The following SLC16A2 variants were observed in gnomAD, a reference collection of about 807,000 sequenced individuals.
The protein encoded by SLC16A2 is solute carrier family 16 member 2.
SLC16A2 carries 3 observed loss-of-function variants against 27.2 expected under a neutral mutation model. That is an observed-to-expected ratio of 0.11 (90% confidence interval 0.05 to 0.28). SLC16A2 has a LOEUF of 0.28. SLC16A2 is among the 10% of genes least tolerant of loss of function. The pLI, the probability that SLC16A2 is intolerant of heterozygous loss-of-function variation, is 1.00. For missense variants in SLC16A2, 295 were observed against 458.5 expected (o/e 0.64, Z 3.26); for synonymous variants, 202 against 187.8 (o/e 1.08, Z -0.62).
intron 1 of SLC16A2, among the ~76,000 whole-genome samples, chrX:74,484,766 C>T (rs775352390): frequency 5.3e-4 from 59 of 112,102 alleles, no homozygotes; most frequent in Middle Eastern, 4.6e-3. Context: ...TGTCCCATAG[C>T]GTTGTCAGGG....
rs1555980983 is a variant in SLC16A2, at chrX:74,435,541, A to ATATATATG, written c.430+13481_430+13482insGTATATAT. Among the ~76,000 whole-genome samples, 8 of 79,306 alleles carry ATATATATG rather than the reference A, an allele frequency of 1.0e-4. No homozygotes were observed. In the East Asian group the frequency reaches 4.0e-3, roughly 40 times the overall value. The allele number at this position is 79,306 out of a possible 115,157, so 68.9% of individuals were successfully genotyped here. A position where few individuals can be genotyped will look rare whatever the true frequency, so the allele number is the denominator to read the frequency against. ...TATATATATGCATATATATATGTAT[A>ATATATATG]TATATATATATATTTTTTTTTTTTT... is the stretch of plus-strand genomic sequence containing the variant. On this transcript the variant is annotated intron_variant, in intron 1 of 5. Coordinates refer to ENST00000587091, the MANE Select transcript of SLC16A2 (RefSeq NM_006517.5).
At chrX:74,474,478 GT>G (rs140763449) in intron 1 of SLC16A2, among the ~76,000 whole-genome samples, 25,463 of 98,096 alleles carry the variant, frequency 0.26, 3,018 homozygotes, top group East Asian at 0.86. Flanking sequence ...ATTCCTTAGT[GT>G]TTTTTTTTTT....
chrX:74,430,805 G>T (rs1458101276), intron 1 of SLC16A2, among the ~76,000 whole-genome samples: 1 of 112,453 alleles, frequency 8.9e-6, no homozygotes, highest in Admixed American at 9.4e-5. Flanking sequence ...GCAGTGGCAC[G>T]ATCTTCGCTC....
intron 2 of SLC16A2, 152 bp downstream of exon 2, chrX:74,521,286 T>G: frequency 1.5e-6 from 1 of 680,439 alleles, no homozygotes; most frequent in Non-Finnish European, 2.3e-6. Flanking sequence ...CAGAATCCAG[T>G]GAATTCATCT....
intron 1 of SLC16A2, among the ~76,000 whole-genome samples, chrX:74,501,659 C>T (rs150103278): frequency 2.9e-3 from 320 of 111,188 alleles, no homozygotes; most frequent in Non-Finnish European, 5.4e-3. Context: ...AGCTGCTGGC[C>T]CACCGCATGG....
At chrX:74,476,983 C>G (rs1471327255) in intron 1 of SLC16A2, 1 of 111,930 alleles carries the variant, frequency 8.9e-6, no homozygotes, top group Non-Finnish European at 1.9e-5. Context: ...CAGAATGATG[C>G]TGGCCTCATA....
intron 1 of SLC16A2, among the ~76,000 whole-genome samples, chrX:74,464,025 G>C (rs773329537): frequency 8.9e-6 from 1 of 112,095 alleles, no homozygotes; most frequent in Non-Finnish European, 1.9e-5. Context: ...TTTATATGTG[G>C]AATTATACAG....
chrX:74,439,981 T>C (rs1928712308), intron 1 of SLC16A2, among the ~76,000 whole-genome samples: 1 of 111,585 alleles, frequency 9.0e-6, no homozygotes, highest in Admixed American at 9.5e-5. Flanking sequence ...ATCACTAGAA[T>C]GTAGGCTAGA....
At chrX:74,526,030 C>G (rs1930482915) in intron 4 of SLC16A2, 137 bp downstream of exon 4, 7 of 727,036 alleles carry the variant, frequency 9.6e-6, no homozygotes, top group Non-Finnish European at 1.5e-5. Context: ...CTCCATTTCA[C>G]CTGCTTTTAA....
intron 1 of SLC16A2, among the ~76,000 whole-genome samples, chrX:74,501,743 A>G (rs1256319048): frequency 2.7e-5 from 3 of 111,506 alleles, no homozygotes; most frequent in African/African-American, 9.8e-5. Flanking sequence ...AGTGTTCCCC[A>G]AAATCCTGTC....
chrX:74,521,248 G>A, intron 2 of SLC16A2, 114 bp downstream of exon 2: 1 of 909,737 alleles, frequency 1.1e-6, no homozygotes. Flanking sequence ...GGCCCTGTAG[G>A]GCCCTCAAAG....
In SLC16A2 at chrX:74,482,397, G is replaced by A. The variant is rs116317387; in HGVS notation, c.431-38593G>A. 9.0e-3 allele frequency among the ~76,000 whole-genome samples: 1,001 copies of A among 110,710 alleles called. 10 individuals carry two copies. The highest frequency in any genetic ancestry group is 0.031 in the African/African-American group (941 of 30,456). ...GAATATTTTCTTCTGTTTATTTCTC[G>A]CTCTCTTCTCTTTGGGAATCCCATT... On this transcript the variant is annotated intron_variant, in intron 1 of 5. Coordinates refer to ENST00000587091, the MANE Select transcript of SLC16A2 (RefSeq NM_006517.5).
At chrX:74,495,489 G>A (rs1929916671) in intron 1 of SLC16A2, among the ~76,000 whole-genome samples, 1 of 109,346 alleles carries the variant, frequency 9.1e-6, no homozygotes, top group South Asian at 4.0e-4. Context: ...GTGGTTGAAG[G>A]AGGCCTCTCA....
chrX:74,461,524 G>A (rs1160181593), intron 1 of SLC16A2, among the ~76,000 whole-genome samples: 1 of 110,532 alleles, frequency 9.0e-6, no homozygotes, highest in Non-Finnish European at 1.9e-5. Context: ...GGGAGAGAGA[G>A]GGTGAAAGAA....
intron 1 of SLC16A2, chrX:74,477,101 C>T (rs1205702215): frequency 8.9e-6 from 1 of 111,893 alleles, no homozygotes; most frequent in East Asian, 2.8e-4. Flanking sequence ...GTGAATCCAT[C>T]TGGTCTTGGA....
At chrX:74,440,801 G>GGT (rs35869235) in intron 1 of SLC16A2, among the ~76,000 whole-genome samples, 37,942 of 102,846 alleles carry the variant, frequency 0.37, 6,039 homozygotes, top group East Asian at 0.95. Context: ...AATAAATGAG[G>GGT]GTGTGTGTGT....
intron 1 of SLC16A2, among the ~76,000 whole-genome samples, chrX:74,519,746 A>C (rs55814325): frequency 0.21 from 15,262 of 73,565 alleles, 3,927 homozygotes; most frequent in Non-Finnish European, 0.38. Context: ...AAAAAACGAA[A>C]GAAAGAAAAA....
At chrX:74,523,681 T>C (rs191919563) in intron 2 of SLC16A2, among the ~76,000 whole-genome samples, 505 of 111,401 alleles carry the variant, frequency 4.5e-3, no homozygotes, top group Non-Finnish European at 8.0e-3. Context: ...ATCTATACCA[T>C]ATCCAGAAAC....
intron 1 of SLC16A2, among the ~76,000 whole-genome samples, chrX:74,429,219 G>C (rs1008224240): frequency 9.9e-5 from 11 of 111,623 alleles, no homozygotes; most frequent in African/African-American, 3.6e-4. Flanking sequence ...TGTAATCCCA[G>C]CATTTTGGGA....
Sources: gnomAD v4.1 joint callset for allele counts (sites outside exome capture counted in the v4.1 genomes callset) on GRCh38, gnomAD v4.1.1 for gene constraint, MANE v1.5 for transcripts, NCBI Gene and HGNC (gene_info 2026-07-23, HGNC 2026-07-21) for gene names.